Variants in CTNND2 observed in about 807,000 individuals in gnomAD.
CTNND2 encodes catenin delta-2.
In CTNND2, 22 loss-of-function variants were observed where a neutral mutation model predicts 144.4. The ratio of observed to expected loss-of-function variants is 0.15; its 90% confidence interval spans 0.11 to 0.22. The LOEUF is 0.22. Among genes scored for constraint, CTNND2 ranks in the 10% least tolerant of loss-of-function variants. The probability of loss-of-function intolerance (pLI) is 1.00; values close to 1 mark genes in which losing one functional copy is unlikely to be tolerated. For synonymous variants in CTNND2, 751 were observed against 695.6 expected (o/e 1.08, Z -1.25); for missense variants, 1,353 against 1,618.8 (o/e 0.84, Z 2.82).
At chr5:11,273,043 C>T (rs1580765433) in intron 9 of CTNND2, among the ~76,000 whole-genome samples, 2 of 152,210 alleles carry the variant, frequency 1.3e-5, no homozygotes, top group African/African-American at 2.4e-5. Context: ...ACCTGTATTA[C>T]AAAACATTAT....
intron 9 of CTNND2, among the ~76,000 whole-genome samples, chr5:11,344,815 A>T (rs1324525519): frequency 6.6e-6 from 1 of 152,326 alleles, no homozygotes; most frequent in East Asian, 1.9e-4. Flanking sequence ...AAAAGGCTGT[A>T]AAAATGACAG....
At chr5:11,297,176 C>A (rs1749112814) in intron 9 of CTNND2, among the ~76,000 whole-genome samples, 1 of 152,122 alleles carries the variant, frequency 6.6e-6, no homozygotes, top group Non-Finnish European at 1.5e-5. Context: ...AAGGTCCATT[C>A]AAGGATTTGA....
At chr5:11,695,891 TATATA>T (rs1785116546) in intron 2 of CTNND2, among the ~76,000 whole-genome samples, 1 of 152,240 alleles carries the variant, frequency 6.6e-6, no homozygotes, top group African/African-American at 2.4e-5. Context: ...ATCACTTAAC[TATATA>T]ATGAGTATTG....
intron 3 of CTNND2, among the ~76,000 whole-genome samples, chr5:11,479,787 C>T (rs1238666493): frequency 2.0e-5 from 3 of 151,340 alleles, no homozygotes; most frequent in Non-Finnish European, 4.4e-5. Context: ...AGATAGTTGG[C>T]TGTATGTATG....
rs917490159 is a variant in CTNND2 at position 11,481,135 on chromosome 5, G to T, written c.288-69066C>A. Among the ~76,000 whole-genome samples the T allele has an allele frequency of 2.6e-5, 4 of 152,176 alleles. 1 individual carries two copies. The highest frequency in any genetic ancestry group is 9.7e-5 in the African/African-American group (4 of 41,440). On this transcript the variant is annotated intron_variant, in intron 3 of 21. Transcript: ENST00000304623. ...ATTGGCAGGGGACTCACAGCCAATT[G>T]TAAGTGACATAATAACAAAAAGGTG...
intron 2 of CTNND2, among the ~76,000 whole-genome samples, chr5:11,688,662 T>C (rs768972158): frequency 2.0e-5 from 3 of 152,182 alleles, no homozygotes; most frequent in African/African-American, 4.8e-5. Flanking sequence ...AAGCCCAAAA[T>C]ATCAAGTGAC....
rs565661292 is a variant in CTNND2, at chr5:11,290,494, A to G, written c.1629-53671T>C. On this transcript the variant is annotated intron_variant, in intron 9 of 21. Coordinates refer to ENST00000304623, the MANE Select transcript of CTNND2 (RefSeq NM_001332.4). The stretch of plus-strand genomic sequence containing the variant: ...TACCATGACTTTTCCTCCCTTAAAT[A>G]CCACTTTTATATTGAGAATTACATT... Among the ~76,000 whole-genome samples the G allele has an allele frequency of 1.7e-4, 26 of 152,272 alleles. No individual in the cohort carries two copies. The South Asian group carries it at 5.0e-3, about 29-fold the overall frequency.
At chr5:11,244,987 G>A (rs1289812984) in intron 9 of CTNND2, among the ~76,000 whole-genome samples, 1 of 152,154 alleles carries the variant, frequency 6.6e-6, no homozygotes, top group African/African-American at 2.4e-5. Flanking sequence ...TATGAGATAA[G>A]ATGACAAAAC....
At chr5:11,869,340 T>A (rs1795919947) in intron 1 of CTNND2, among the ~76,000 whole-genome samples, 1 of 152,208 alleles carries the variant, frequency 6.6e-6, no homozygotes, top group African/African-American at 2.4e-5. Context: ...AATTGATGGA[T>A]GAATGGGCAA....
intron 9 of CTNND2, among the ~76,000 whole-genome samples, chr5:11,293,947 G>C (rs1455557192): frequency 1.3e-5 from 2 of 151,362 alleles, no homozygotes; most frequent in Admixed American, 6.6e-5. Context: ...AGCTGGTCTA[G>C]AGCAACAGTT....
chr5:11,003,912 C>T (rs1043129889), intron 18 of CTNND2, among the ~76,000 whole-genome samples: 8 of 152,154 alleles, frequency 5.3e-5, no homozygotes, highest in Non-Finnish European at 1.2e-4. Flanking sequence ...AGGTACAGTA[C>T]GTATAAGCAT....
At chr5:11,362,345 C>A (rs1756548176) in intron 8 of CTNND2, among the ~76,000 whole-genome samples, 2 of 152,004 alleles carry the variant, frequency 1.3e-5, no homozygotes, top group Non-Finnish European at 1.5e-5. Flanking sequence ...AAGACATATA[C>A]ACATATTAAA....
chr5:11,264,328 T>G (rs1019004118), intron 9 of CTNND2, among the ~76,000 whole-genome samples: 4 of 152,176 alleles, frequency 2.6e-5, no homozygotes, highest in African/African-American at 9.7e-5. Flanking sequence ...TGGATTAGGG[T>G]AGGCTGTGGC....
chr5:11,780,966 C>G (rs1407454423), intron 1 of CTNND2, among the ~76,000 whole-genome samples: 2 of 152,134 alleles, frequency 1.3e-5, no homozygotes, highest in Non-Finnish European at 2.9e-5. Context: ...TTTATTTACC[C>G]GATAAAGTGC....
Position 11,397,078 on chromosome 5 carries a change from G to A in CTNND2, c.565C>T (p.Pro189Ser). ...GCTCGGGCTTGTGTGCCTCGGGCCG[G>A]GAGCTGTGAAGGGGTGGTTTCCCCC... ...ALGETTPSQLPARGTQARATG... is the reference protein window; with the variant it reads ...ALGETTPSQLSARGTQARATG... The change falls in exon 6 of 22, where the codon CCG becomes TCG. Residue 189 changes from proline (P) to serine (S), a missense_variant. This residue lies in a region of CTNND2 where 708 missense variants were observed against 706.4 expected (regional missense o/e 1.00). Transcript: ENST00000304623. 6.2e-7 allele frequency: 1 copy of A among 1,614,038 alleles called. No individual in the cohort carries two copies. The highest frequency in any genetic ancestry group is 8.5e-7 in the Non-Finnish European group (1 of 1,180,022).
intron 7 of CTNND2, among the ~76,000 whole-genome samples, chr5:11,369,436 C>T (rs1236475181): frequency 6.6e-6 from 1 of 152,188 alleles, no homozygotes; most frequent in East Asian, 1.9e-4. Flanking sequence ...TGTTCCACAC[C>T]ATGTTTTCCT....
intron 1 of CTNND2, among the ~76,000 whole-genome samples, chr5:11,867,140 G>A (rs2127040132): frequency 6.6e-6 from 1 of 152,304 alleles, no homozygotes; most frequent in South Asian, 2.1e-4. Context: ...CTGGTTGGCT[G>A]GTACAAAATA....
chr5:11,747,370 T>C (rs1215473147), intron 1 of CTNND2, among the ~76,000 whole-genome samples: 1 of 152,214 alleles, frequency 6.6e-6, no homozygotes, highest in African/African-American at 2.4e-5. Flanking sequence ...TTCATAAAAA[T>C]GAAGTTCAGT....
chr5:10,979,330 G>T (rs1736922483), intron 21 of CTNND2, among the ~76,000 whole-genome samples: 1 of 152,202 alleles, frequency 6.6e-6, no homozygotes, highest in Non-Finnish European at 1.5e-5. Flanking sequence ...CTGGTGACCT[G>T]GTGTCTACAG....
Sources: gnomAD v4.1 joint callset for allele counts (sites outside exome capture counted in the v4.1 genomes callset) on GRCh38, gnomAD v4.1.1 for gene constraint, gnomAD v4.1.1 regional missense constraint, MANE v1.5 for transcripts, NCBI Gene and HGNC (gene_info 2026-07-23, HGNC 2026-07-21) for gene names.